The following TMEM39B variants were observed in gnomAD, a reference collection of about 807,000 sequenced individuals.
TMEM39B encodes the protein transmembrane protein 39B.
In TMEM39B, 23 loss-of-function variants were observed where a neutral mutation model predicts 52.2. The ratio of observed to expected loss-of-function variants is 0.44; its 90% CI spans 0.32 to 0.62. The LOEUF is 0.62. Among genes scored for constraint, TMEM39B ranks in the 20% least tolerant of loss-of-function variants. The pLI, the probability that TMEM39B is intolerant of heterozygous loss-of-function variation, is 0.06. For synonymous variants in TMEM39B, 285 were observed against 264.0 expected (o/e 1.08, Z -0.77); for missense variants, 547 against 642.0 (o/e 0.85, Z 1.60).
chr1:32,076,908 A>G, intron 4 of TMEM39B, 62 bp downstream of exon 4: 1 of 1,559,862 alleles, frequency 6.4e-7, no homozygotes, highest in South Asian at 1.1e-5. Flanking sequence ...TGGGGATGCC[A>G]AGGAAACATG....
At chr1:32,072,508 C>T (rs1048731022), upstream of TMEM39B, 2 of 154,562 alleles carry the variant, frequency 1.3e-5, no homozygotes, top group African/African-American at 4.8e-5. Flanking sequence ...AAGACTAAGG[C>T]AAAGATCGGA....
chr1:32,077,380 C>T (rs1017660646), intron 5 of TMEM39B, 62 bp downstream of exon 5: 10 of 1,585,148 alleles, frequency 6.3e-6, no homozygotes, highest in South Asian at 2.2e-5. Flanking sequence ...CTGCCCTGAC[C>T]GTAGCTGGCT....
At chr1:32,082,196 C>A (rs1640126143) in intron 5 of TMEM39B, among the ~76,000 whole-genome samples, 2 of 151,844 alleles carry the variant, frequency 1.3e-5, no homozygotes, top group African/African-American at 4.8e-5. Flanking sequence ...TTCCTCCCCT[C>A]TTCCTCTTTT....
chr1:32,099,468 A>T (rs902187017), intron 7 of TMEM39B, among the ~76,000 whole-genome samples: 11 of 152,132 alleles, frequency 7.2e-5, no homozygotes, highest in African/African-American at 1.7e-4. Context: ...AAGTTTTTTT[A>T]AAAAAATAAA....
At chr1:32,081,921 C>G (rs1569877816) in intron 5 of TMEM39B, among the ~76,000 whole-genome samples, 1 of 152,154 alleles carries the variant, frequency 6.6e-6, no homozygotes, top group Non-Finnish European at 1.5e-5. Flanking sequence ...TCTTGTATAT[C>G]CTGGAAACAA....
intron 7 of TMEM39B, among the ~76,000 whole-genome samples, chr1:32,095,969 A>G (rs1640792177): frequency 6.6e-6 from 1 of 152,176 alleles, no homozygotes; most frequent in South Asian, 2.1e-4. Context: ...AACATAGCTG[A>G]ACATGAGGAT....
chr1:32,077,343 C>CA (rs1329873031), intron 5 of TMEM39B, 25 bp downstream of exon 5: 11 of 1,613,392 alleles, frequency 6.8e-6, no homozygotes, highest in Non-Finnish European at 9.3e-6. Flanking sequence ...CTTCACCCCT[C>CA]ACTGCCCAGC....
At chr1:32,098,854 G>T (rs1033641106) in intron 7 of TMEM39B, among the ~76,000 whole-genome samples, 1 of 152,236 alleles carries the variant, frequency 6.6e-6, no homozygotes, top group African/African-American at 2.4e-5. Flanking sequence ...AGATCCTCCC[G>T]CTCAAGGGCT....
rs924506364 is a variant in TMEM39B, at chr1:32,075,015, G to A, written c.69G>A (p.Ser23=). The A allele has an allele frequency of 9.7e-6, 15 of 1,551,398 alleles. No homozygotes were observed. Among genetic ancestry groups the A allele is most frequent in the Admixed American group, 2.0e-5 (1 of 50,952 alleles). The change falls in exon 2 of 9, where the codon TCG becomes TCA. Residue 23 remains serine (S), a synonymous_variant. Transcript: ENST00000336294. ...ATCCGCTCTGTGAGCCGGGATCCTC[G>A]GGGGGCTCTAGTGGAAGCCACACTT... ...CRNPLCEPGS[S]GGSSGSHTSS...
At chr1:32,074,035 C>T (rs1639752424) in intron 1 of TMEM39B, among the ~76,000 whole-genome samples, 1 of 152,144 alleles carries the variant, frequency 6.6e-6, no homozygotes, top group African/African-American at 2.4e-5. Context: ...AGTCGTGAGC[C>T]ACCACACCCA....
intron 5 of TMEM39B, among the ~76,000 whole-genome samples, chr1:32,081,486 G>A (rs1309576002): frequency 1.3e-5 from 2 of 152,092 alleles, no homozygotes; most frequent in South Asian, 4.1e-4. Context: ...GGTGGCTCAC[G>A]CTTGTAATCC....
chr1:32,081,186 T>TTTTA (rs959346706), intron 5 of TMEM39B, among the ~76,000 whole-genome samples: 3 of 148,646 alleles, frequency 2.0e-5, no homozygotes, highest in African/African-American at 7.5e-5. Flanking sequence ...TTCTGGGTTT[T>TTTTA]TTTATTTGTT....
Position 32,093,399 on chromosome 1 carries a change from C to CTTTTTT in TMEM39B, c.928-1360_928-1355dup, listed in dbSNP as rs34793281. On this transcript the variant is annotated intron_variant, in intron 6 of 8. Coordinates refer to ENST00000336294, the MANE Select transcript of TMEM39B (RefSeq NM_018056.4). ...TAGCCATGAGCCACCAAGCCCGGCC[C>CTTTTTT]TTTTTTTTTTTTTTTTTTTTTTTTT... 1.1e-3 allele frequency among the ~76,000 whole-genome samples: 55 copies of CTTTTTT among 50,328 alleles called. 3 individuals carry two copies. The highest frequency in any genetic ancestry group is 2.5e-3 in the African/African-American group (47 of 18,434). 33.0% of individuals were successfully genotyped at this position (50,328 alleles called of 152,430 possible). A position where few individuals can be genotyped will look rare whatever the true frequency, so the allele number is the denominator to read the frequency against.
chr1:32,085,644 G>A (rs976238239), intron 5 of TMEM39B, among the ~76,000 whole-genome samples: 8 of 151,806 alleles, frequency 5.3e-5, no homozygotes, highest in African/African-American at 1.7e-4. Context: ...TCAGCTACTC[G>A]GGAGACTGAG....
intron 5 of TMEM39B, chr1:32,087,862 A>G (rs1640430674): frequency 6.7e-6 from 1 of 149,624 alleles, no homozygotes; most frequent in Non-Finnish European, 1.5e-5. Context: ...GTTAGCCAGA[A>G]TCGTCTCAAT....
At chr1:32,100,639 T>A in intron 8 of TMEM39B, 77 bp downstream of exon 8, 1 of 1,586,750 alleles carries the variant, frequency 6.3e-7, no homozygotes, top group East Asian at 2.2e-5. Context: ...TGTGATGTCA[T>A]TGCAAGAGAA....
chr1:32,101,396 CTA>C (rs1641013476), intron 8 of TMEM39B, among the ~76,000 whole-genome samples: 1 of 151,950 alleles, frequency 6.6e-6, no homozygotes, highest in South Asian at 2.1e-4. Context: ...CTAGTGATCT[CTA>C]TTTTTTTTTA....
intron 5 of TMEM39B, among the ~76,000 whole-genome samples, chr1:32,081,615 G>A (rs544784525): frequency 6.6e-6 from 1 of 151,918 alleles, no homozygotes; most frequent in African/African-American, 2.4e-5. Flanking sequence ...AGGTGTGGTG[G>A]TGCACGCCTG....
chr1:32,094,683 C>A, intron 6 of TMEM39B, 101 bp from the exon 7 acceptor site: 1 of 1,339,874 alleles, frequency 7.5e-7, no homozygotes, highest in Admixed American at 1.8e-5. Context: ...TGAGGTCTCC[C>A]CAGGACTGTC....
Sources: allele counts gnomAD v4.1 joint callset (sites outside exome capture counted in the v4.1 genomes callset), GRCh38; gene constraint gnomAD v4.1.1; transcripts MANE v1.5; gene names NCBI Gene and HGNC (gene_info 2026-07-23, HGNC 2026-07-21).